ZFHX3: variants seen among roughly 807,000 people sequenced by gnomAD.
ZFHX3 encodes zinc finger homeobox protein 3.
In ZFHX3, 42 loss-of-function variants were observed where a neutral mutation model predicts 279.1. The ratio of observed to expected loss-of-function variants is 0.15; its 90% confidence interval spans 0.12 to 0.19. The LOEUF (loss-of-function observed/expected upper bound fraction) is 0.19, where lower values mean the gene tolerates loss of function less well. ZFHX3 is among the 10% of genes least tolerant of loss of function. ZFHX3 has a pLI of 1.00. For synonymous variants in ZFHX3, 2,293 were observed against 1,957.8 expected (o/e 1.17, Z -4.52); for missense variants, 4,981 against 4,754.0 (o/e 1.05, Z -1.40).
chr16:72,803,965 A>G (rs2036190285), intron 7 of ZFHX3, among the ~76,000 whole-genome samples: 1 of 152,230 alleles, frequency 6.6e-6, no homozygotes, highest in African/African-American at 2.4e-5. Context: ...CTCCCAGAGT[A>G]CATGTACATT....
At chr16:73,515,356 C>T (rs2019501156) in intron 2 of ZFHX3, among the ~76,000 whole-genome samples, 2 of 151,950 alleles carry the variant, frequency 1.3e-5, no homozygotes, top group African/African-American at 4.8e-5. Context: ...TAAAGGGATC[C>T]CTTAGTCACA....
rs949697721 is a variant in ZFHX3, at chr16:72,786,136, G to C, written c.*1028C>G. The C allele has an allele frequency of 6.6e-6, 1 of 152,216 alleles. No homozygotes were observed. Among genetic ancestry groups the C allele is most frequent in the Non-Finnish European group, 1.5e-5 (1 of 68,032 alleles). 9.4% of individuals were successfully genotyped at this position (152,216 alleles called of 1,614,324 possible). ...TAAGGGACAAGGGGAGAAAAGCTTAGGCGAATCAACGGATTGCAATCTATC... is the reference window on the plus strand; with the variant it reads ...TAAGGGACAAGGGGAGAAAAGCTTACGCGAATCAACGGATTGCAATCTATC... On this transcript the variant is annotated 3_prime_UTR_variant, in exon 10 of 10. Coordinates refer to ENST00000268489, the MANE Select transcript of ZFHX3 (RefSeq NM_006885.4).
chr16:73,352,528 G>C (rs933176973), intron 3 of ZFHX3, among the ~76,000 whole-genome samples: 1 of 141,898 alleles, frequency 7.0e-6, no homozygotes, highest in East Asian at 2.1e-4. Context: ...ACCCAGGCTG[G>C]AGGGCACCAG....
At chr16:73,875,737 AT>A (rs2029926110) in intron 1 of ZFHX3, among the ~76,000 whole-genome samples, 2 of 152,218 alleles carry the variant, frequency 1.3e-5, no homozygotes, top group African/African-American at 4.8e-5. Context: ...CAAAAGCATG[AT>A]GAACCGGATT....
intron 1 of ZFHX3, among the ~76,000 whole-genome samples, chr16:73,822,516 CT>C (rs528330090): frequency 0.034 from 4,955 of 146,492 alleles, 129 homozygotes; most frequent in East Asian, 0.089. Flanking sequence ...GCTGCTTTTG[CT>C]TTTTTTTTTT....
At chr16:73,054,493 ATTG>A (rs1464781705) in intron 1 of ZFHX3, among the ~76,000 whole-genome samples, 1 of 84,906 alleles carries the variant, frequency 1.2e-5, no homozygotes, top group Non-Finnish European at 2.6e-5. Flanking sequence ...TTTCATTATT[ATTG>A]TTATTATACT....
intron 3 of ZFHX3, among the ~76,000 whole-genome samples, chr16:72,926,992 G>C (rs1458342684): frequency 2.0e-5 from 3 of 152,184 alleles, no homozygotes; most frequent in Admixed American, 6.5e-5. Flanking sequence ...AGGGTGTTAG[G>C]AACCATGAGC....
chr16:73,759,083 T>C (rs1162876629), intron 1 of ZFHX3, among the ~76,000 whole-genome samples: 2 of 152,234 alleles, frequency 1.3e-5, no homozygotes, highest in African/African-American at 4.8e-5. Flanking sequence ...ATATTTGTTA[T>C]GACATAGGTG....
chr16:73,105,647 G>C (rs2086950330), intron 7 of ZFHX3, among the ~76,000 whole-genome samples: 1 of 152,020 alleles, frequency 6.6e-6, no homozygotes, highest in African/African-American at 2.4e-5. Flanking sequence ...CAGCTACTTG[G>C]GAGGCTGAGG....
chr16:73,658,188 G>C (rs1489634690), intron 2 of ZFHX3, among the ~76,000 whole-genome samples: 2 of 152,188 alleles, frequency 1.3e-5, no homozygotes, highest in South Asian at 4.2e-4. Flanking sequence ...TGTTCAACTG[G>C]AATATATGAA....
Position 73,502,103 on chromosome 16 carries a change from C to A in ZFHX3, c.-1546-45845G>T, listed in dbSNP as rs207476156. Among the ~76,000 whole-genome samples, 7 of 151,204 alleles carry A rather than the reference C, an allele frequency of 4.6e-5. No homozygotes were observed. In the South Asian group the frequency reaches 1.5e-3, roughly 32 times the overall value. On this transcript the variant is annotated intron_variant, in intron 2 of 17. Coordinates refer to the ZFHX3 transcript ENST00000641206. ...AGGTACAGCATTAAAAGTTACTAATCGGGGGTGGGGGAAAAAAAGCCCATA... is the reference window on the plus strand; with the variant it reads ...AGGTACAGCATTAAAAGTTACTAATAGGGGGTGGGGGAAAAAAAGCCCATA...
Position 72,788,703 on chromosome 16 carries a change from G to T in ZFHX3, c.9573C>A (p.Gly3191=), listed in dbSNP as rs2035570067. Residue 3191 remains glycine, a synonymous_variant, in exon 10 of 10, where the codon GGC becomes GGA. Coordinates refer to ENST00000268489, the MANE Select transcript of ZFHX3 (RefSeq NM_006885.4). Reference sequence around the variant, plus strand: ...GCTGCTGCTGGGGGGGTTGCTGAGGGCCCATCGCCATCGTGGCTTGTGCTG... The same window carrying T: ...GCTGCTGCTGGGGGGGTTGCTGAGGTCCCATCGCCATCGTGGCTTGTGCTG... ...PTPAQATMAM[G]PQQPPQQQQQ... is the part of the protein sequence containing the mutation. 1.2e-6 allele frequency: 2 copies of T among 1,611,788 alleles called. No homozygotes were observed. Among genetic ancestry groups the T allele is most frequent in the African/African-American group, 1.3e-5 (1 of 74,814 alleles).
chr16:73,267,091 C>T (rs2013998511), intron 4 of ZFHX3, among the ~76,000 whole-genome samples: 1 of 152,200 alleles, frequency 6.6e-6, no homozygotes, highest in Non-Finnish European at 1.5e-5. Flanking sequence ...TTTGATTACA[C>T]TTTCGTGACA....
intron 3 of ZFHX3, among the ~76,000 whole-genome samples, chr16:73,395,332 C>T (rs561728394): frequency 9.2e-5 from 14 of 152,026 alleles, no homozygotes; most frequent in East Asian, 5.8e-4. Flanking sequence ...GGTGTGGAGG[C>T]GCTTGCCTGT....
intron 3 of ZFHX3, among the ~76,000 whole-genome samples, chr16:73,398,168 A>G (rs2017169422): frequency 6.6e-6 from 1 of 152,162 alleles, no homozygotes; most frequent in African/African-American, 2.4e-5. Context: ...TAAAAGTGCT[A>G]AGCTTGAGAT....
chr16:73,331,500 T>C (rs2015803845), intron 3 of ZFHX3, among the ~76,000 whole-genome samples: 1 of 152,210 alleles, frequency 6.6e-6, no homozygotes, highest in Non-Finnish European at 1.5e-5. Flanking sequence ...TCCTTTGTTC[T>C]TCTGTTGCCA....
rs77653291 is a variant in ZFHX3 at position 73,583,492 on chromosome 16, C to A, written c.-1547+96688G>T. ...AGAGATAGAAAATAAGATTGTGTGT[C>A]CTGTGTGCTGTGGAGTTAAAATAAC... On this transcript the variant is annotated intron_variant, in intron 2 of 17. Coordinates refer to the ZFHX3 transcript ENST00000641206. Among the ~76,000 whole-genome samples the A allele has an allele frequency of 3.4e-3, 522 of 152,190 alleles. 1 individual carries two copies. The highest frequency in any genetic ancestry group is 0.012 in the African/African-American group (490 of 41,524).
At chr16:72,820,581 A>C (rs1436731036) in intron 5 of ZFHX3, among the ~76,000 whole-genome samples, 1 of 152,092 alleles carries the variant, frequency 6.6e-6, no homozygotes, top group Non-Finnish European at 1.5e-5. Flanking sequence ...TTTTGACCTG[A>C]TTCCTGACTT....
intron 3 of ZFHX3, among the ~76,000 whole-genome samples, chr16:72,898,019 G>A (rs777052776): frequency 2.0e-5 from 3 of 152,172 alleles, no homozygotes; most frequent in Non-Finnish European, 4.4e-5. Flanking sequence ...ATCCTTCCAG[G>A]GGTAACGCAA....
Sources: gnomAD v4.1 joint callset for allele counts (sites outside exome capture counted in the v4.1 genomes callset) on GRCh38, gnomAD v4.1.1 for gene constraint, MANE v1.5 for transcripts, NCBI Gene and HGNC (gene_info 2026-07-23, HGNC 2026-07-21) for gene names.